The following TENM3 variants were observed in gnomAD, a reference collection of about 807,000 sequenced individuals.
The protein encoded by TENM3 is teneurin transmembrane protein 3.
A neutral mutation model predicts 255.1 loss-of-function variants in TENM3; 63 were observed. The ratio of observed to expected loss-of-function variants is 0.25; its 90% confidence interval spans 0.20 to 0.30. The LOEUF (loss-of-function observed/expected upper bound fraction) is 0.30, where lower values mean the gene tolerates loss of function less well. Ranked by LOEUF, TENM3 falls within the 10% of genes least tolerant of loss-of-function variation. TENM3 has a pLI of 1.00. For missense variants in TENM3, 2,929 were observed against 3,461.1 expected (o/e 0.85, Z 3.86); for synonymous variants, 1,306 against 1,322.3 (o/e 0.99, Z 0.27).
At chr4:181,774,806 A>G in the TENM3 span, among the ~76,000 whole-genome samples, 2 of 100,368 alleles carry the variant, frequency 2.0e-5, no homozygotes, top group Non-Finnish European at 1.9e-5. Flanking sequence ...TTGGCTGCAT[A>G]AATGTCTTCT....
chr4:181,561,048 G>A, the TENM3 span, among the ~76,000 whole-genome samples: 1 of 152,186 alleles, frequency 6.6e-6, no homozygotes, highest in African/African-American at 2.4e-5. Context: ...CGCCTCCTGG[G>A]TTCAAGCGAT....
chr4:182,005,302 C>T, the TENM3 span, among the ~76,000 whole-genome samples: 1 of 152,126 alleles, frequency 6.6e-6, no homozygotes, highest in Admixed American at 6.5e-5. Context: ...GCCAGTTTTC[C>T]CAGCACCATT....
the TENM3 span, among the ~76,000 whole-genome samples, chr4:182,020,464 G>A: frequency 6.6e-6 from 1 of 152,118 alleles, no homozygotes; most frequent in Non-Finnish European, 1.5e-5. Flanking sequence ...TAGATAGGAG[G>A]AATAAGTTGT....
At chr4:182,291,167 T>C (rs1219441983) in intron 1 of TENM3, among the ~76,000 whole-genome samples, 2 of 152,136 alleles carry the variant, frequency 1.3e-5, no homozygotes, top group Non-Finnish European at 2.9e-5. Flanking sequence ...CAGTAAGTGA[T>C]ATGAAGCAAG....
At chr4:181,580,623 G>A in the TENM3 span, among the ~76,000 whole-genome samples, 1 of 152,150 alleles carries the variant, frequency 6.6e-6, no homozygotes, top group African/African-American at 2.4e-5. Context: ...AAGGAGAAAC[G>A]AGGGAGTCCC....
the TENM3 span, among the ~76,000 whole-genome samples, chr4:182,084,561 A>C: frequency 3.9e-5 from 6 of 152,204 alleles, no homozygotes; most frequent in African/African-American, 1.4e-4. Flanking sequence ...TATAAGCTAC[A>C]AAATTTATAT....
At chr4:182,102,145 G>A in the TENM3 span, among the ~76,000 whole-genome samples, 3 of 152,324 alleles carry the variant, frequency 2.0e-5, no homozygotes, top group East Asian at 1.9e-4. Context: ...TGAGGCCTGT[G>A]TAGGAGCCCA....
the TENM3 span, among the ~76,000 whole-genome samples, chr4:181,848,964 C>T: frequency 1.1e-4 from 16 of 152,186 alleles, no homozygotes; most frequent in African/African-American, 3.6e-4. Context: ...AGTTCCTTTA[C>T]GAGCCAATGT....
At chr4:181,907,434 T>C in the TENM3 span, among the ~76,000 whole-genome samples, 1 of 152,104 alleles carries the variant, frequency 6.6e-6, no homozygotes, top group African/African-American at 2.4e-5. Context: ...TCCCAAGATT[T>C]TCAATGTTAG....
chr4:182,007,919 G>T, the TENM3 span, among the ~76,000 whole-genome samples: 1 of 152,130 alleles, frequency 6.6e-6, no homozygotes, highest in African/African-American at 2.4e-5. Flanking sequence ...GCCAGACCTG[G>T]TGGTAACAAA....
chr4:181,616,186 T>C, the TENM3 span, among the ~76,000 whole-genome samples: 1 of 148,392 alleles, frequency 6.7e-6, no homozygotes, highest in African/African-American at 2.5e-5. Context: ...AATGAATACA[T>C]ACACAGGCTG....
intron 3 of TENM3, among the ~76,000 whole-genome samples, chr4:182,395,324 T>C (rs1310433902): frequency 6.6e-6 from 1 of 152,156 alleles, no homozygotes; most frequent in African/African-American, 2.4e-5. Flanking sequence ...CAACCAGTGT[T>C]TATGACCACA....
At chr4:181,904,113 G>C in the TENM3 span, among the ~76,000 whole-genome samples, 1 of 151,980 alleles carries the variant, frequency 6.6e-6, no homozygotes, top group African/African-American at 2.4e-5. Context: ...GCAAAAACTT[G>C]ATACTCTTCA....
the TENM3 span, among the ~76,000 whole-genome samples, chr4:182,055,338 A>G: frequency 1.3e-5 from 2 of 151,242 alleles, no homozygotes; most frequent in African/African-American, 2.4e-5. Context: ...GAGCAAGACC[A>G]TGTCTCAAAA....
chr4:181,886,950 C>T, the TENM3 span, among the ~76,000 whole-genome samples: 8 of 152,114 alleles, frequency 5.3e-5, no homozygotes, highest in Non-Finnish European at 8.8e-5. Flanking sequence ...TTCCATTGAG[C>T]CAACGTAAAT....
At position 182,396,845 on chromosome 4, in the gene TENM3, C is replaced by T. The variant is rs1217229808; in HGVS notation, c.511+49916C>T. Among the ~76,000 whole-genome samples, 6 of 151,888 alleles carry T rather than the reference C, an allele frequency of 4.0e-5. No homozygotes were observed. In the East Asian group the frequency reaches 1.2e-3, roughly 29 times the overall value. ...GGTGTGGTGACAGGCATCTGTAATC[C>T]CAGCTACTTGGGAGGCTGAGGCAGG... On this transcript the variant is annotated intron_variant, in intron 3 of 27. Coordinates refer to ENST00000511685, the MANE Select transcript of TENM3 (RefSeq NM_001080477.4).
chr4:182,429,349 T>G (rs1771460709), intron 3 of TENM3, among the ~76,000 whole-genome samples: 2 of 152,242 alleles, frequency 1.3e-5, no homozygotes, highest in Non-Finnish European at 2.9e-5. Context: ...TTTATAACTT[T>G]TAAGGCAGTG....
chr4:181,798,103 G>GTT, the TENM3 span, among the ~76,000 whole-genome samples: 1 of 151,794 alleles, frequency 6.6e-6, no homozygotes, highest in Non-Finnish European at 1.5e-5. Context: ...GTGTGTGTGT[G>GTT]TGTGTGTGTG....
chr4:182,687,164 T>C (rs1404362084), intron 11 of TENM3, among the ~76,000 whole-genome samples: 3 of 152,310 alleles, frequency 2.0e-5, no homozygotes, highest in Non-Finnish European at 2.9e-5. Flanking sequence ...ATTTTCTGTT[T>C]GTTAGAAATG....
Sources: allele counts gnomAD v4.1 joint callset (sites outside exome capture counted in the v4.1 genomes callset), GRCh38; gene constraint gnomAD v4.1.1; transcripts MANE v1.5; gene names NCBI Gene and HGNC (gene_info 2026-07-23, HGNC 2026-07-21).